VEPH1: variants seen among roughly 807,000 people sequenced by gnomAD.
VEPH1 encodes the protein ventricular zone expressed PH domain containing 1.
A neutral mutation model predicts 85.2 loss-of-function variants in VEPH1; 80 were observed. The ratio of observed to expected loss-of-function variants is 0.94; its 90% CI spans 0.78 to 1.13. The LOEUF (loss-of-function observed/expected upper bound fraction) is 1.13. Ranked by LOEUF, VEPH1 falls within the 50% of genes most tolerant of loss-of-function variation. The pLI, the probability that VEPH1 is intolerant of heterozygous loss-of-function variation, is 0.00. For missense variants in VEPH1, 955 were observed against 980.5 expected (o/e 0.97, Z 0.35); for synonymous variants, 297 against 348.0 (o/e 0.85, Z 1.63).
chr3:157,360,040 G>C (rs886320660), intron 9 of VEPH1, among the ~76,000 whole-genome samples: 2 of 151,908 alleles, frequency 1.3e-5, no homozygotes, highest in African/African-American at 4.8e-5. Context: ...CAAATATGTT[G>C]CATTTATATA....
intron 7 of VEPH1, among the ~76,000 whole-genome samples, chr3:157,371,782 T>C (rs1440388212): frequency 6.6e-6 from 1 of 152,198 alleles, no homozygotes; most frequent in Admixed American, 6.5e-5. Context: ...TTGCCTTTTA[T>C]CCTTTTGGGG....
At chr3:157,411,930 T>C (rs1212445661) in intron 6 of VEPH1, among the ~76,000 whole-genome samples, 1 of 152,152 alleles carries the variant, frequency 6.6e-6, no homozygotes, top group African/African-American at 2.4e-5. Context: ...TGATTTGTAA[T>C]CCTCAATGTT....
intron 4 of VEPH1, chr3:157,443,182 G>A (rs1734274189): frequency 3.5e-6 from 2 of 564,512 alleles, no homozygotes; most frequent in Non-Finnish European, 5.9e-6. Context: ...TGAGGATAAT[G>A]TTACTAGACT....
rs573201126 is a variant in VEPH1, at chr3:157,298,675, G to A, written c.2011-12001C>T. 2.6e-5 allele frequency among the ~76,000 whole-genome samples: 4 copies of A among 152,188 alleles called. No individual in the cohort carries two copies. In the South Asian group the frequency reaches 6.2e-4, roughly 24 times the overall value. On this transcript the variant is annotated intron_variant, in intron 11 of 13. Coordinates refer to ENST00000362010, the MANE Select transcript of VEPH1 (RefSeq NM_001167912.2). ...CTACAAAGTAGACTGTCTGTTGGCA[G>A]AAGAAATTACCAGACCCAGAAATGA...
rs753360589 is a variant in VEPH1, at chr3:157,286,641, C to T, written c.2044G>A (p.Val682Met). ...LDQVQLHLEEVRFFDVFGFSE... is the reference protein window; with the variant it reads ...LDQVQLHLEEMRFFDVFGFSE... ...AAGCCAAACACGTCAAAGAACCTCA[C>T]TTCTTCCAGATGGAGCTGTACCTGG... The change falls in exon 12 of 14, where the codon GTG becomes ATG. Residue 682 changes from valine (V) to methionine (M), a missense_variant. Physicochemically the swap from Val to Met is conservative, Grantham distance 21 (BLOSUM62 1). Coordinates refer to ENST00000362010, the MANE Select transcript of VEPH1 (RefSeq NM_001167912.2). The T allele has an allele frequency of 3.7e-6, 6 of 1,614,150 alleles. No individual in the cohort carries two copies. Among genetic ancestry groups the T allele is most frequent in the Non-Finnish European group, 5.1e-6 (6 of 1,179,978 alleles).
chr3:157,433,250 A>G (rs1733300862), intron 4 of VEPH1, among the ~76,000 whole-genome samples: 1 of 152,180 alleles, frequency 6.6e-6, no homozygotes, highest in South Asian at 2.1e-4. Context: ...AGGGACTTCC[A>G]ATACACACTT....
intron 2 of VEPH1, among the ~76,000 whole-genome samples, chr3:157,487,581 T>C (rs556393830): frequency 3.9e-5 from 6 of 152,274 alleles, no homozygotes; most frequent in African/African-American, 1.4e-4. Context: ...AACTACTGTA[T>C]ATAACTTGAT....
intron 5 of VEPH1, among the ~76,000 whole-genome samples, chr3:157,419,567 A>G (rs926716201): frequency 6.6e-6 from 1 of 152,226 alleles, no homozygotes; most frequent in Non-Finnish European, 1.5e-5. Context: ...AGACATATGA[A>G]AAAAAACTCA....
At chr3:157,392,151 C>G (rs1160094235) in intron 6 of VEPH1, among the ~76,000 whole-genome samples, 3 of 152,116 alleles carry the variant, frequency 2.0e-5, no homozygotes, top group African/African-American at 7.2e-5. Context: ...AAGTACATAG[C>G]CTGCAACCAC....
chr3:157,441,357 A>C (rs1044752871), intron 4 of VEPH1, among the ~76,000 whole-genome samples: 2 of 152,242 alleles, frequency 1.3e-5, no homozygotes, highest in Non-Finnish European at 2.9e-5. Flanking sequence ...GGTTGGCATA[A>C]GGATTAAAAT....
intron 11 of VEPH1, among the ~76,000 whole-genome samples, chr3:157,300,190 A>G (rs2108451184): frequency 6.6e-6 from 1 of 151,586 alleles, no homozygotes; most frequent in Non-Finnish European, 1.5e-5. Context: ...GCAGCAAAAG[A>G]AAAAAAAAGG....
intron 7 of VEPH1, among the ~76,000 whole-genome samples, chr3:157,366,424 C>CAAGAAAGAAAAAGA (rs1291091177): frequency 6.6e-6 from 1 of 151,498 alleles, no homozygotes; most frequent in Non-Finnish European, 1.5e-5. Context: ...CTTAAAAAAA[C>CAAGAAAGAAAAAGA]AAGAAAGAAA....
At chr3:157,386,250 C>CAA (rs71302265) in intron 6 of VEPH1, among the ~76,000 whole-genome samples, 880 of 37,684 alleles carry the variant, frequency 0.023, 31 homozygotes, top group African/African-American at 0.062. Context: ...AATGGTTCCA[C>CAA]AAAAAAAAAA....
intron 12 of VEPH1, among the ~76,000 whole-genome samples, chr3:157,266,666 G>A (rs1003588933): frequency 6.6e-6 from 1 of 152,166 alleles, no homozygotes; most frequent in Non-Finnish European, 1.5e-5. Flanking sequence ...AGCAGAGTGT[G>A]CATGATTACA....
Position 157,386,250 on chromosome 3 carries a change from C to CAAAAAAAAAAAAAAAAAAAAAAAAA in VEPH1, c.907-4875_907-4874insTTTTTTTTTTTTTTTTTTTTTTTTT, listed in dbSNP as rs71302265. On this transcript the variant is annotated intron_variant, in intron 6 of 13. Coordinates refer to ENST00000362010, the MANE Select transcript of VEPH1 (RefSeq NM_001167912.2). ...GTTACTTCAAGTAAAAATGGTTCCA[C>CAAAAAAAAAAAAAAAAAAAAAAAAA]AAAAAAAAAAAAAAAAAAAAAAAAG... Among the ~76,000 whole-genome samples, 2 of 38,484 alleles carry CAAAAAAAAAAAAAAAAAAAAAAAAA rather than the reference C, an allele frequency of 5.2e-5. 1 individual carries two copies. The highest frequency in any genetic ancestry group is 8.6e-5 in the Non-Finnish European group (2 of 23,356). The allele number at this position is 38,484 out of a possible 152,430, so 25.2% of individuals were successfully genotyped here. A position where few individuals can be genotyped will look rare whatever the true frequency, so the allele number is the denominator to read the frequency against.
chr3:157,490,041 CT>C (rs1739079722), intron 2 of VEPH1, among the ~76,000 whole-genome samples: 1 of 151,778 alleles, frequency 6.6e-6, no homozygotes, highest in Non-Finnish European at 1.5e-5. Context: ...CATAAAACCT[CT>C]TTGAGCAACA....
At chr3:157,329,572 T>C (rs2108594138) in intron 9 of VEPH1, among the ~76,000 whole-genome samples, 1 of 152,274 alleles carries the variant, frequency 6.6e-6, no homozygotes, top group Non-Finnish European at 1.5e-5. Flanking sequence ...TGACCTAAAA[T>C]CCAATGATGA....
intron 6 of VEPH1, chr3:157,413,606 T>C: frequency 5.1e-6 from 5 of 985,322 alleles, no homozygotes; most frequent in Middle Eastern, 5.2e-4. Context: ...AAGACTCACT[T>C]CCTAAACCTT....
intron 6 of VEPH1, among the ~76,000 whole-genome samples, chr3:157,383,514 A>G (rs964578957): frequency 2.0e-5 from 3 of 152,244 alleles, no homozygotes; most frequent in East Asian, 1.9e-4. Flanking sequence ...TTTACAATAA[A>G]TATTTAATAC....
Sources: allele counts gnomAD v4.1 joint callset (sites outside exome capture counted in the v4.1 genomes callset), GRCh38; gene constraint gnomAD v4.1.1; transcripts MANE v1.5; gene names NCBI Gene and HGNC (gene_info 2026-07-23, HGNC 2026-07-21).